CNTN5: variants seen among roughly 807,000 people sequenced by gnomAD.
CNTN5 encodes contactin-5.
CNTN5 carries 77 observed loss-of-function variants against 129.1 expected under a neutral mutation model. The observed-to-expected ratio is 0.60, with a 90% CI of 0.50 to 0.72. The LOEUF is 0.72. Ranked by LOEUF, CNTN5 falls within the 30% of genes least tolerant of loss-of-function variation. CNTN5 has a pLI of 0.00. For synonymous variants in CNTN5, 509 were observed against 465.6 expected (o/e 1.09, Z -1.20); for missense variants, 1,478 against 1,328.8 (o/e 1.11, Z -1.75).
At chr11:99,772,850 C>A (rs1279819341) in intron 3 of CNTN5, among the ~76,000 whole-genome samples, 1 of 151,970 alleles carries the variant, frequency 6.6e-6, no homozygotes, top group Non-Finnish European at 1.5e-5. Flanking sequence ...CCCACAGAGG[C>A]AGAAAGCTGG....
intron 3 of CNTN5, among the ~76,000 whole-genome samples, chr11:99,757,083 T>TGGCAAATC (rs1944428505): frequency 6.6e-6 from 1 of 152,020 alleles, no homozygotes; most frequent in South Asian, 2.1e-4. Context: ...AAGTCTCAGA[T>TGGCAAATC]CAAGGAGTCA....
At chr11:99,691,258 A>C (rs750703633) in intron 3 of CNTN5, among the ~76,000 whole-genome samples, 2 of 149,186 alleles carry the variant, frequency 1.3e-5, no homozygotes, top group Non-Finnish European at 3.0e-5. Flanking sequence ...TCTTTAACTC[A>C]GCTCTGATCT....
rs926623339 is a variant in CNTN5, at chr11:99,844,618, G to A, written c.278-234G>A. Reference sequence around the variant, plus strand: ...TTTAAAATATAAATGTCTGAGGTTTGTTTTTTATGTATTACACGTTTAACA... The same window carrying A: ...TTTAAAATATAAATGTCTGAGGTTTATTTTTTATGTATTACACGTTTAACA... On this transcript the variant is annotated intron_variant, in intron 4 of 24. Transcript: ENST00000524871. 1.4e-5 allele frequency: 7 copies of A among 495,154 alleles called. No homozygotes were observed. In the South Asian group the frequency reaches 1.4e-4, roughly 10 times the overall value. 30.7% of individuals were successfully genotyped at this position (495,154 alleles called of 1,614,324 possible). A position where few individuals can be genotyped will look rare whatever the true frequency, so the allele number is the denominator to read the frequency against.
intron 1 of CNTN5, among the ~76,000 whole-genome samples, chr11:99,074,409 T>C (rs1355809656): frequency 6.6e-6 from 1 of 152,188 alleles, no homozygotes; most frequent in African/African-American, 2.4e-5. Flanking sequence ...TTTTGGCTTT[T>C]GTTGCAATAA....
chr11:100,293,848 C>T (rs184089613), intron 18 of CNTN5, among the ~76,000 whole-genome samples: 19 of 151,552 alleles, frequency 1.3e-4, no homozygotes, highest in Non-Finnish European at 2.4e-4. Context: ...TTTTTCTGGG[C>T]GGGTTGGGGG....
intron 3 of CNTN5, among the ~76,000 whole-genome samples, chr11:99,654,980 A>G (rs115843270): frequency 0.012 from 1,776 of 152,166 alleles, 34 homozygotes; most frequent in African/African-American, 0.04. Context: ...TTTAGAGTTT[A>G]TAAGGGTTTT....
At chr11:99,821,857 A>G (rs922785606) in intron 4 of CNTN5, among the ~76,000 whole-genome samples, 2 of 152,184 alleles carry the variant, frequency 1.3e-5, no homozygotes, top group Admixed American at 6.5e-5. Context: ...CTGGTAACCA[A>G]TTTAATATCA....
intron 7 of CNTN5, among the ~76,000 whole-genome samples, chr11:99,948,489 C>T (rs574324271): frequency 6.6e-6 from 1 of 152,204 alleles, no homozygotes; most frequent in East Asian, 1.9e-4. Context: ...ATCTAGACAC[C>T]GCTCTAATTA....
chr11:99,757,000 T>A (rs1944425884), intron 3 of CNTN5, among the ~76,000 whole-genome samples: 2 of 151,826 alleles, frequency 1.3e-5, no homozygotes, highest in Non-Finnish European at 2.9e-5. Context: ...TTTATACATG[T>A]GTCATATATA....
chr11:99,545,495 G>C (rs1039444877), intron 2 of CNTN5, among the ~76,000 whole-genome samples: 1 of 152,114 alleles, frequency 6.6e-6, no homozygotes, highest in Admixed American at 6.5e-5. Context: ...AATTAAAAGA[G>C]AATTTAAATA....
At chr11:100,266,510 G>A (rs1241282111) in intron 17 of CNTN5, among the ~76,000 whole-genome samples, 1 of 151,702 alleles carries the variant, frequency 6.6e-6, no homozygotes, top group Non-Finnish European at 1.5e-5. Context: ...GTATAAAAGA[G>A]AAAGTTTTTA....
At chr11:99,955,242 C>T (rs1433225157) in intron 7 of CNTN5, among the ~76,000 whole-genome samples, 1 of 151,280 alleles carries the variant, frequency 6.6e-6, no homozygotes, top group Non-Finnish European at 1.5e-5. Context: ...TAAAGGGATT[C>T]ACATTGTTAA....
chr11:99,582,330 C>T (rs538605129), intron 3 of CNTN5, among the ~76,000 whole-genome samples: 10 of 152,262 alleles, frequency 6.6e-5, no homozygotes, highest in African/African-American at 1.9e-4. Flanking sequence ...CGAGGAGTAT[C>T]TTTGTGCCAT....
chr11:99,829,451 T>C (rs148800220), intron 4 of CNTN5, among the ~76,000 whole-genome samples: 47 of 152,272 alleles, frequency 3.1e-4, no homozygotes, highest in African/African-American at 9.4e-4. Context: ...TGATACTTGA[T>C]TGAGGTGAAG....
At chr11:100,341,932 T>C (rs1331007784) in intron 23 of CNTN5, among the ~76,000 whole-genome samples, 1 of 151,354 alleles carries the variant, frequency 6.6e-6, no homozygotes. Context: ...ATATTAAGTA[T>C]AATATTTTAA....
intron 1 of CNTN5, among the ~76,000 whole-genome samples, chr11:99,054,399 T>A (rs900197537): frequency 2.6e-5 from 4 of 151,940 alleles, no homozygotes; most frequent in Non-Finnish European, 4.4e-5. Flanking sequence ...TACTTTGAAC[T>A]CATTGGCCAT....
chr11:99,365,548 ATTCATTTCAT>A (rs528097705), intron 2 of CNTN5, among the ~76,000 whole-genome samples: 5 of 152,302 alleles, frequency 3.3e-5, no homozygotes, highest in African/African-American at 9.6e-5. Context: ...GATCTGGCCA[ATTCATTTCAT>A]TTCATTTCAT....
At chr11:100,302,009 T>C (rs991963646) in intron 20 of CNTN5, among the ~76,000 whole-genome samples, 21 of 151,436 alleles carry the variant, frequency 1.4e-4, no homozygotes, top group Non-Finnish European at 5.9e-5. Flanking sequence ...CTTCACTACA[T>C]TGCAAACTGA....
At chr11:99,837,037 A>G (rs1947329544) in intron 4 of CNTN5, among the ~76,000 whole-genome samples, 1 of 152,004 alleles carries the variant, frequency 6.6e-6, no homozygotes, top group Non-Finnish European at 1.5e-5. Flanking sequence ...AGCCTGTTTT[A>G]TCAGCAAGGT....
Sources: gnomAD v4.1 joint callset for allele counts (sites outside exome capture counted in the v4.1 genomes callset) on GRCh38, gnomAD v4.1.1 for gene constraint, MANE v1.5 for transcripts, NCBI Gene and HGNC (gene_info 2026-07-23, HGNC 2026-07-21) for gene names.